Variants in CLEC3B observed in about 807,000 individuals in gnomAD.
CLEC3B encodes the protein C-type lectin domain family 3 member B, also known as tetranectin.
In CLEC3B, 13 loss-of-function variants were observed where a neutral mutation model predicts 15.4. That is an observed-to-expected ratio of 0.84 (90% CI 0.55 to 1.34). The LOEUF is 1.34. Ranked by LOEUF, CLEC3B falls within the 40% of genes most tolerant of loss-of-function variation. The pLI is 0.00. For synonymous variants in CLEC3B, 112 were observed against 114.7 expected (o/e 0.98, Z 0.15); for missense variants, 242 against 268.6 (o/e 0.90, Z 0.69).
chr3:45,030,113 TG>T (rs1697533966), intron 1 of CLEC3B: 1 of 927,236 alleles, frequency 1.1e-6, no homozygotes, highest in Admixed American at 6.2e-5. Flanking sequence ...GAGCATCACA[TG>T]GGGTGACATG....
chr3:45,032,988 C>T (rs566899940), intron 2 of CLEC3B, among the ~76,000 whole-genome samples: 1 of 152,280 alleles, frequency 6.6e-6, no homozygotes, highest in East Asian at 1.9e-4. Flanking sequence ...ATCATATGGC[C>T]ACCTGCAGCT....
chr3:45,026,540 A>G, intron 1 of CLEC3B, 69 bp downstream of exon 1: 1 of 1,360,510 alleles, frequency 7.4e-7, no homozygotes, highest in Non-Finnish European at 1.0e-6. Flanking sequence ...GTGTGTCCTC[A>G]TGCTCCTTTC....
At chr3:45,035,191 G>A (rs902058497) in intron 2 of CLEC3B, among the ~76,000 whole-genome samples, 10 of 152,204 alleles carry the variant, frequency 6.6e-5, no homozygotes, top group African/African-American at 1.9e-4. Context: ...GAGATGGGGT[G>A]GGTAAAGGCC....
At chr3:45,033,586 A>G (rs1371331989) in intron 2 of CLEC3B, among the ~76,000 whole-genome samples, 2 of 152,026 alleles carry the variant, frequency 1.3e-5, no homozygotes, top group Non-Finnish European at 2.9e-5. Context: ...GGGAACCTCA[A>G]TATATTCATG....
intron 1 of CLEC3B, among the ~76,000 whole-genome samples, chr3:45,028,821 C>G (rs1162738891): frequency 1.3e-5 from 2 of 152,264 alleles, no homozygotes; most frequent in East Asian, 3.9e-4. Context: ...AGGGGGAGAG[C>G]AAGTGGCAGG....
intron 2 of CLEC3B, among the ~76,000 whole-genome samples, chr3:45,033,525 C>A (rs566865042): frequency 6.6e-6 from 1 of 152,310 alleles, no homozygotes; most frequent in East Asian, 1.9e-4. Context: ...CCTGGTACAT[C>A]TCTGCCAGGC....
rs200246147 is a variant in CLEC3B at position 45,035,625 on chromosome 3, A to T, written c.310A>T (p.Thr104Ser). The change falls in exon 3 of 3, where the codon ACC becomes TCC. Residue 104 changes from threonine to serine, a missense_variant. Thr to Ser is a moderately conservative substitution (Grantham distance 58, BLOSUM62 1). Transcript: ENST00000296130. ...CGAGGACTGCATCTCGCGCGGGGGC[A>T]CCCTGGGCACCCCTCAGACTGGCTC... ...ASEDCISRGG[T>S]LGTPQTGSEN... is the part of the protein sequence containing the mutation. 3 of 1,614,058 alleles carry T rather than the reference A, an allele frequency of 1.9e-6. No homozygotes were observed. In the African/African-American group the frequency reaches 4.0e-5, roughly 22 times the overall value.
Position 45,035,716 on chromosome 3 carries a change from G to A in CLEC3B, c.401G>A (p.Gly134Asp), listed in dbSNP as rs1414005995. 4 of 1,613,724 alleles carry A rather than the reference G, an allele frequency of 2.5e-6. No individual in the cohort carries two copies. Among genetic ancestry groups the A allele is most frequent in the Non-Finnish European group, 3.4e-6 (4 of 1,180,028 alleles). Reference sequence around the variant, plus strand: ...GGCAACGAGGCCGAGATCTGGCTGGGCCTCAACGACATGGCGGCCGAGGGC... The same window carrying A: ...GGCAACGAGGCCGAGATCTGGCTGGACCTCAACGACATGGCGGCCGAGGGC... The part of the protein sequence containing the change: ...SVGNEAEIWL[G>D]LNDMAAEGTW... Residue 134 changes from glycine (G) to aspartate (D), a missense_variant, in exon 3 of 3, where the codon GGC becomes GAC. Coordinates refer to ENST00000296130, the MANE Select transcript of CLEC3B (RefSeq NM_003278.3).
rs753288792 is a variant in CLEC3B, at chr3:45,026,321, A to G, written c.-42A>G. 1.9e-6 allele frequency: 3 copies of G among 1,564,928 alleles called. No individual in the cohort carries two copies. In the Admixed American group the frequency reaches 5.2e-5, roughly 27 times the overall value. On this transcript the variant is annotated 5_prime_UTR_variant, in exon 1 of 3. Coordinates refer to ENST00000296130, the MANE Select transcript of CLEC3B (RefSeq NM_003278.3). The stretch of plus-strand genomic sequence containing the variant: ...CGTGGCTGTCACTGCGTTCGGACCC[A>G]GACCCGCTGCAGGCAGCAGCAGCCC...
Position 45,030,939 on chromosome 3 carries a change from G to A in CLEC3B, c.208+14G>A. The A allele has an allele frequency of 6.5e-7, 1 of 1,545,156 alleles. No homozygotes were observed. Among genetic ancestry groups the A allele is most frequent in the Non-Finnish European group, 8.8e-7 (1 of 1,139,528 alleles). ...CCCTGCAGACGGGTGAGTGCAGGCA[G>A]TAGCCTCTCTGGGCAGGAGCGTCTG... On this transcript the variant is annotated intron_variant, in intron 2 of 2. Coordinates refer to ENST00000296130, the MANE Select transcript of CLEC3B (RefSeq NM_003278.3).
At chr3:45,031,356 T>C (rs1222449827) in intron 2 of CLEC3B, among the ~76,000 whole-genome samples, 1 of 152,226 alleles carries the variant, frequency 6.6e-6, no homozygotes, top group Non-Finnish European at 1.5e-5. Context: ...TGTCAGCAGC[T>C]TTGCTGACCC....
intron 1 of CLEC3B, among the ~76,000 whole-genome samples, chr3:45,028,021 A>C (rs1476393152): frequency 1.7e-5 from 2 of 114,944 alleles, no homozygotes; most frequent in South Asian, 8.1e-4. Flanking sequence ...TCTCCATAGA[A>C]GGGGCCCCTG....
rs1188393297 is a variant in CLEC3B, at chr3:45,036,039, G to C, written c.*115G>C. ...CTCCGTGCGCTTGGAGCCTCTTTTTGCAAATAAAGTTGGTGCAGCTTCGCG... is the reference window on the plus strand; with the variant it reads ...CTCCGTGCGCTTGGAGCCTCTTTTTCCAAATAAAGTTGGTGCAGCTTCGCG... On this transcript the variant is annotated 3_prime_UTR_variant, in exon 3 of 3. Coordinates refer to ENST00000296130, the MANE Select transcript of CLEC3B (RefSeq NM_003278.3). 1.6e-6 allele frequency: 2 copies of C among 1,252,702 alleles called. No homozygotes were observed. Among genetic ancestry groups the C allele is most frequent in the African/African-American group, 3.0e-5 (2 of 66,272 alleles). The allele number at this position is 1,252,702 out of a possible 1,614,324, so 77.6% of individuals were successfully genotyped here.
At chr3:45,032,560 C>T (rs1317965419) in intron 2 of CLEC3B, among the ~76,000 whole-genome samples, 1 of 152,334 alleles carries the variant, frequency 6.6e-6, no homozygotes, top group East Asian at 1.9e-4. Context: ...CCTGAGAACA[C>T]AAGGGCCATG....
At position 45,035,821 on chromosome 3, in the gene CLEC3B, A is replaced by G; in HGVS notation, c.506A>G (p.Lys169Arg). 1 of 1,613,368 alleles carries G rather than the reference A, an allele frequency of 6.2e-7. No homozygotes were observed. Among genetic ancestry groups the G allele is most frequent in the Non-Finnish European group, 8.5e-7 (1 of 1,179,964 alleles). The change falls in exon 3 of 3, where the codon AAG becomes AGG. Residue 169 changes from lysine (K) to arginine (R), a missense_variant. Coordinates refer to ENST00000296130, the MANE Select transcript of CLEC3B (RefSeq NM_003278.3). ...TEITAQPDGG[K>R]TENCAVLSGA... is the part of the protein sequence containing the mutation. The stretch of plus-strand genomic sequence containing the variant: ...ATCACCGCGCAACCCGATGGCGGCA[A>G]GACCGAGAACTGCGCGGTCCTGTCA...
intron 2 of CLEC3B, among the ~76,000 whole-genome samples, chr3:45,032,600 C>T (rs1350139029): frequency 6.6e-6 from 1 of 152,238 alleles, no homozygotes; most frequent in African/African-American, 2.4e-5. Flanking sequence ...GTCTCTTCCA[C>T]TACCCTGCCC....
intron 2 of CLEC3B, among the ~76,000 whole-genome samples, chr3:45,035,306 C>G (rs1326963727): frequency 6.6e-6 from 1 of 152,146 alleles, no homozygotes. Flanking sequence ...ACCAAGACCT[C>G]CTGAGTGGGG....
chr3:45,030,131 G>T (rs754882149), intron 1 of CLEC3B: 2 of 982,292 alleles, frequency 2.0e-6, no homozygotes, highest in African/African-American at 3.5e-5. Flanking sequence ...CATGTAGAAC[G>T]GCTTAGCCCA....
chr3:45,034,079 G>A (rs576493526), intron 2 of CLEC3B, among the ~76,000 whole-genome samples: 8 of 152,192 alleles, frequency 5.3e-5, no homozygotes, highest in Admixed American at 1.3e-4. Flanking sequence ...GGAGGGGCAC[G>A]GCCTTGGAAG....
Sources: allele counts gnomAD v4.1 joint callset (sites outside exome capture counted in the v4.1 genomes callset), GRCh38; gene constraint gnomAD v4.1.1; transcripts MANE v1.5; gene names NCBI Gene and HGNC (gene_info 2026-07-23, HGNC 2026-07-21).